PACSIN2: variants seen among roughly 807,000 people sequenced by gnomAD.
PACSIN2 encodes protein kinase C and casein kinase substrate in neurons 2.
In PACSIN2, 25 loss-of-function variants were observed where a neutral mutation model predicts 63.8. The ratio of observed to expected loss-of-function variants is 0.39; its 90% CI spans 0.29 to 0.55. The LOEUF (loss-of-function observed/expected upper bound fraction) is 0.55, where lower values mean the gene tolerates loss of function less well. Among genes scored for constraint, PACSIN2 ranks in the 20% least tolerant of loss-of-function variants. The pLI, the probability that PACSIN2 is intolerant of heterozygous loss-of-function variation, is 0.62. For synonymous variants in PACSIN2, 255 were observed against 256.2 expected, an observed-to-expected ratio of 1.00 and a Z score of 0.05; for missense variants, 518 against 646.9, an observed-to-expected ratio of 0.80 and a Z score of 2.16.
At chr22:43,000,568 G>A (rs914267512) in intron 1 of PACSIN2, among the ~76,000 whole-genome samples, 1 of 152,200 alleles carries the variant, frequency 6.6e-6, no homozygotes, top group Non-Finnish European at 1.5e-5. Flanking sequence ...AGGCAGCAGA[G>A]AGAAAAGCAT....
intron 1 of PACSIN2, among the ~76,000 whole-genome samples, chr22:43,009,675 C>T (rs1165953538): frequency 6.6e-6 from 1 of 152,086 alleles, no homozygotes; most frequent in African/African-American, 2.4e-5. Flanking sequence ...CATCCACGCT[C>T]CTCCCCCTCT....
At chr22:42,971,549 G>A (rs562743723) in intron 1 of PACSIN2, among the ~76,000 whole-genome samples, 10 of 151,886 alleles carry the variant, frequency 6.6e-5, no homozygotes, top group Middle Eastern at 6.8e-3. Context: ...GCAGCCCATC[G>A]TCTGGGATGT....
At chr22:42,941,762 G>GTT (rs869101595) in intron 1 of PACSIN2, among the ~76,000 whole-genome samples, 2 of 151,906 alleles carry the variant, frequency 1.3e-5, no homozygotes, top group Non-Finnish European at 2.9e-5. Context: ...TGAGTTTGGG[G>GTT]TTTTTGTTTT....
intron 2 of PACSIN2, 53 bp downstream of exon 2, chr22:42,911,968 C>A: frequency 1.5e-6 from 2 of 1,371,784 alleles, no homozygotes; most frequent in Non-Finnish European, 2.0e-6. Context: ...AAGGGCCTGC[C>A]AGACACTATT....
Position 42,891,047 on chromosome 22 carries a change from T to A in PACSIN2, c.353A>T (p.Glu118Val), listed in dbSNP as rs764036156. The change falls in exon 4 of 11, where the codon GAA (glutamate) becomes GTA (valine). Residue 118 changes from glutamate to valine, a missense_variant. Glu to Val is a moderately radical substitution (Grantham distance 121). Coordinates refer to ENST00000263246, the MANE Select transcript of PACSIN2 (RefSeq NM_001184970.3). ...DFEKIKNWQK[E>V]AFHKQMMGGF... ...GCCCATCATCTGCTTGTGAAAGGCT[T>A]CCTTCTGCCAGTTCTTGATCTTCTC... The A allele has an allele frequency of 6.2e-7, 1 of 1,614,196 alleles. No individual in the cohort carries two copies. Among genetic ancestry groups the A allele is most frequent in the Non-Finnish European group, 8.5e-7 (1 of 1,180,036 alleles).
chr22:43,013,018 C>A (rs963654678), intron 1 of PACSIN2, among the ~76,000 whole-genome samples: 4 of 152,298 alleles, frequency 2.6e-5, no homozygotes, highest in South Asian at 4.1e-4. Flanking sequence ...TCTCTAAGTT[C>A]TGACCTCAGG....
chr22:42,935,456 A>G (rs1465356610), intron 1 of PACSIN2, among the ~76,000 whole-genome samples: 2 of 152,148 alleles, frequency 1.3e-5, no homozygotes, highest in African/African-American at 4.8e-5. Flanking sequence ...GGTCTTGTCT[A>G]GGGTCAGAGC....
intron 1 of PACSIN2, among the ~76,000 whole-genome samples, chr22:42,972,223 C>G (rs1467893895): frequency 6.6e-6 from 1 of 152,230 alleles, no homozygotes; most frequent in Non-Finnish European, 1.5e-5. Flanking sequence ...CCCGTGCTCT[C>G]TGAAACATGT....
rs546605392 is a variant in PACSIN2, at chr22:42,878,218, C to T, written c.1028+830G>A. Among the ~76,000 whole-genome samples, 322 of 152,318 alleles carry T rather than the reference C, an allele frequency of 2.1e-3. 2 individuals are homozygous for T. Among genetic ancestry groups the T allele is most frequent in the South Asian group, 4.3e-3 (21 of 4,828 alleles). On this transcript the variant is annotated intron_variant, in intron 8 of 10. Coordinates refer to ENST00000263246, the MANE Select transcript of PACSIN2 (RefSeq NM_001184970.3). Reference sequence around the variant, plus strand: ...TTTCCCATTCCCACCCCCAAGCATACAGGTGCTGGCCTGATCCCTGGGACA... The same window carrying T: ...TTTCCCATTCCCACCCCCAAGCATATAGGTGCTGGCCTGATCCCTGGGACA...
At position 42,961,447 on chromosome 22, in the gene PACSIN2, TA is replaced by T. The variant is rs10678680; in HGVS notation, c.-77-49291del. Among the ~76,000 whole-genome samples, 578 of 121,170 alleles carry T rather than the reference TA, an allele frequency of 4.8e-3. 1 individual carries two copies. Among genetic ancestry groups the T allele is most frequent in the Non-Finnish European group, 4.3e-3 (260 of 59,796 alleles). The allele number at this position is 121,170 out of a possible 152,430, so 79.5% of individuals were successfully genotyped here. A position where few individuals can be genotyped will look rare whatever the true frequency, so the allele number is the denominator to read the frequency against. On this transcript the variant is annotated intron_variant, in intron 1 of 10. Transcript: ENST00000263246. ...TGAGAAACACCCAAGAATGATCAAT[TA>T]AAAAAAAAAAAAAAAAAAAATCTTG... is the stretch of plus-strand genomic sequence containing the variant.
rs372963694 is a variant in PACSIN2, at chr22:42,989,476, C to A, written c.-78+25545G>T. Among the ~76,000 whole-genome samples the A allele has an allele frequency of 2.1e-5, 3 of 140,054 alleles. No individual in the cohort carries two copies. In the South Asian group the frequency reaches 7.3e-4, roughly 34 times the overall value. 91.9% of individuals were successfully genotyped at this position (140,054 alleles called of 152,430 possible). A position where few individuals can be genotyped will look rare whatever the true frequency, so the allele number is the denominator to read the frequency against. On this transcript the variant is annotated intron_variant, in intron 1 of 10. Coordinates refer to ENST00000263246, the MANE Select transcript of PACSIN2 (RefSeq NM_001184970.3). The stretch of plus-strand genomic sequence containing the variant: ...TCACACGATTGCACTCCAGCCTGGG[C>A]AATAAGAGTGAAACTCCATCCCCCT...
chr22:42,948,506 T>G (rs1222044416), intron 1 of PACSIN2, among the ~76,000 whole-genome samples: 1 of 152,192 alleles, frequency 6.6e-6, no homozygotes, highest in Non-Finnish European at 1.5e-5. Context: ...TGGTGGCACA[T>G]GACTATCTAT....
intron 7 of PACSIN2, among the ~76,000 whole-genome samples, chr22:42,879,803 G>A (rs904402731): frequency 2.0e-5 from 3 of 152,178 alleles, no homozygotes; most frequent in African/African-American, 7.2e-5. Flanking sequence ...GTGGCTACCC[G>A]CTGACAGAAG....
chr22:43,004,397 C>T (rs1923958483), intron 1 of PACSIN2, among the ~76,000 whole-genome samples: 1 of 152,236 alleles, frequency 6.6e-6, no homozygotes, highest in Non-Finnish European at 1.5e-5. Flanking sequence ...GGCACATGCC[C>T]AGTCTCCTTA....
chr22:42,892,266 A>G (rs1201468906), intron 3 of PACSIN2, among the ~76,000 whole-genome samples: 1 of 152,186 alleles, frequency 6.6e-6, no homozygotes, highest in African/African-American at 2.4e-5. Context: ...CTGGTCTTCA[A>G]GGTGGTCACA....
chr22:42,992,639 T>C (rs1349754714), intron 1 of PACSIN2, among the ~76,000 whole-genome samples: 1 of 152,086 alleles, frequency 6.6e-6, no homozygotes, highest in Non-Finnish European at 1.5e-5. Context: ...CACACAAATG[T>C]TAATAGCACC....
At chr22:42,980,154 T>C (rs118138848) in intron 1 of PACSIN2, among the ~76,000 whole-genome samples, 1,665 of 152,294 alleles carry the variant, frequency 0.011, 61 homozygotes, top group Admixed American at 0.084. Context: ...GGTGAAAATT[T>C]GTAAAATCTA....
chr22:42,895,138 C>T (rs972955466), intron 2 of PACSIN2, among the ~76,000 whole-genome samples: 1 of 152,194 alleles, frequency 6.6e-6, no homozygotes. Flanking sequence ...GCTGGCAGCT[C>T]GGCAGCTCGT....
At chr22:42,978,204 T>C (rs971317438) in intron 1 of PACSIN2, among the ~76,000 whole-genome samples, 1 of 152,170 alleles carries the variant, frequency 6.6e-6, no homozygotes, top group Non-Finnish European at 1.5e-5. Flanking sequence ...GAAGTGAAAA[T>C]AACAAGTTGC....
Sources: allele counts gnomAD v4.1 joint callset (sites outside exome capture counted in the v4.1 genomes callset), GRCh38; gene constraint gnomAD v4.1.1; transcripts MANE v1.5; gene names NCBI Gene and HGNC (gene_info 2026-07-23, HGNC 2026-07-21).